Variants in CDK18 observed in about 807,000 individuals in gnomAD.
The protein encoded by CDK18 is cyclin dependent kinase 18.
Under a neutral mutation model 62.0 loss-of-function variants are expected in CDK18, and 52 were observed. The ratio of observed to expected loss-of-function variants is 0.84; its 90% confidence interval spans 0.67 to 1.06. The LOEUF is 1.06. CDK18 is among the 50% of genes least tolerant of loss of function. The pLI is 0.00. For missense variants in CDK18, 604 were observed against 619.9 expected (o/e 0.97, Z 0.27); for synonymous variants, 237 against 247.0 (o/e 0.96, Z 0.38).
rs963624537 is a variant in CDK18, at chr1:205,527,871, G to A, written c.807G>A (p.Gln269=). Residue 269 remains glutamine (Q), a synonymous_variant, in exon 9 of 16, where the codon CAG becomes CAA. Coordinates refer to ENST00000429964, the MANE Select transcript of CDK18 (RefSeq NM_212502.3). This position sits in a 1 kb window ranked among gnomAD's most constrained non-coding sequence, Gnocchi z 4.1. ...TCCTGCACCGGGACCTGAAGCCCCA[G>A]AACCTGCTCATCAACGAGAGGGGGG... ...RKILHRDLKP[Q]NLLINERGEL... 16 of 1,614,164 alleles carry A rather than the reference G, an allele frequency of 9.9e-6. No individual in the cohort carries two copies. The highest frequency in any genetic ancestry group is 1.4e-5 in the Non-Finnish European group (16 of 1,180,030).
chr1:205,529,565 T>A lies in CDK18; in HGVS notation c.1221+2T>A. The A allele has an allele frequency of 2.5e-6, 4 of 1,613,662 alleles. No individual in the cohort carries two copies. Among genetic ancestry groups the A allele is most frequent in the Non-Finnish European group, 3.4e-6 (4 of 1,179,908 alleles). Reference sequence around the variant, plus strand: ...CACCTCCTGAGCAGCCTGCTCCTGGTGAGTGTCCTCCCGGCGGGGCCCAGG... The same window carrying A: ...CACCTCCTGAGCAGCCTGCTCCTGGAGAGTGTCCTCCCGGCGGGGCCCAGG... On this transcript the variant is annotated splice_donor_variant, in intron 13 of 15. Coordinates refer to ENST00000429964, the MANE Select transcript of CDK18 (RefSeq NM_212502.3). LOFTEE classifies it high-confidence loss of function.
chr1:205,525,003 G>T (rs1182082405), intron 4 of CDK18, 136 bp from the exon 5 acceptor site: 2 of 548,062 alleles, frequency 3.6e-6, no homozygotes. Flanking sequence ...TTATCACAGG[G>T]ATAAAGGGAA....
chr1:205,519,969 G>A (rs1284726583), intron 1 of CDK18, among the ~76,000 whole-genome samples: 2 of 152,256 alleles, frequency 1.3e-5, no homozygotes, highest in African/African-American at 2.4e-5. Flanking sequence ...TTTTAGAAAG[G>A]GGTGTGGCTG....
rs1292790990 is a variant in CDK18 at position 205,528,727 on chromosome 1, T to C, written c.975-272T>C. 1 of 421,154 alleles carries C rather than the reference T, an allele frequency of 2.4e-6. No homozygotes were observed. Among genetic ancestry groups the C allele is most frequent in the African/African-American group, 2.0e-5 (1 of 49,640 alleles). The allele number at this position is 421,154 out of a possible 1,614,324, so 26.1% of individuals were successfully genotyped here. On this transcript the variant is annotated intron_variant, in intron 10 of 15. Transcript: ENST00000429964. This position sits in a 1 kb window ranked among gnomAD's most constrained non-coding sequence, Gnocchi z 4.2. ...AGAGAATTGCCACATGGGCGCTGGCTGCACAGACCCAAACCTCACAGAGTG... is the reference window on the plus strand; with the variant it reads ...AGAGAATTGCCACATGGGCGCTGGCCGCACAGACCCAAACCTCACAGAGTG...
At chr1:205,524,202 G>C (rs903838535) in intron 3 of CDK18, 30 bp from the exon 4 acceptor site, 2 of 1,613,984 alleles carry the variant, frequency 1.2e-6, no homozygotes, top group Non-Finnish European at 8.5e-7. Flanking sequence ...AACCAACAGT[G>C]GTGTCCCCAT....
In CDK18 at chr1:205,527,755, G is replaced by T. The variant is rs1253131240; in HGVS notation, c.730-39G>T. 1.2e-6 allele frequency: 2 copies of T among 1,607,984 alleles called. No individual in the cohort carries two copies. Among genetic ancestry groups the T allele is most frequent in the Admixed American group, 1.7e-5 (1 of 59,814 alleles). Reference sequence around the variant, plus strand: ...CCCAGCCTTGGAGCAGAGGCTCAGGGCCACCTTCCACCCCACATTTCTCTT... The same window carrying T: ...CCCAGCCTTGGAGCAGAGGCTCAGGTCCACCTTCCACCCCACATTTCTCTT... On this transcript the variant is annotated intron_variant, in intron 8 of 15. Transcript: ENST00000429964. This position sits in a 1 kb window ranked among gnomAD's most constrained non-coding sequence, Gnocchi z 4.1.
chr1:205,530,573 T>C (rs12748821), intron 14 of CDK18, 55 bp from the exon 15 acceptor site: 253,090 of 1,519,734 alleles, frequency 0.17, 26,615 homozygotes, highest in South Asian at 0.38. Context: ...GGCCAGTCCT[T>C]ACTGGAGGCC....
rs752337313 is a variant in CDK18, at chr1:205,526,174, G to T, written c.566G>T (p.Arg189Leu). Residue 189 changes from arginine to leucine, a missense_variant, in exon 6 of 16, where the codon CGA becomes CTA. Transcript: ENST00000429964. ...GAGGGAGCGCCCTGCACTGCCATCC[G>T]AGAGGGTACAGCATCCTAGGCTCCC... ...HEEGAPCTAI[R>L]EVSLLKNLKH... is the part of the protein sequence containing the mutation. 3.7e-6 allele frequency: 6 copies of T among 1,613,072 alleles called. No homozygotes were observed. Among genetic ancestry groups the T allele is most frequent in the Non-Finnish European group, 5.1e-6 (6 of 1,179,204 alleles).
rs1224033880 is a variant in CDK18 at position 205,532,090 on chromosome 1, C to G, written c.*712C>G. ...ATGCCCAGCTGTGTCCAGAGGTGGC[C>G]TGGGACCGCCAGTTGCACGCCTGCC... On this transcript the variant is annotated 3_prime_UTR_variant, in exon 16 of 16. Coordinates refer to ENST00000429964, the MANE Select transcript of CDK18 (RefSeq NM_212502.3). 6.5e-6 allele frequency: 1 copy of G among 153,076 alleles called. No homozygotes were observed. The highest frequency in any genetic ancestry group is 1.5e-5 in the Non-Finnish European group (1 of 68,432). The allele number at this position is 153,076 out of a possible 1,614,324, so 9.5% of individuals were successfully genotyped here.
At chr1:205,518,968 G>T (rs1184132183) in intron 1 of CDK18, among the ~76,000 whole-genome samples, 1 of 152,184 alleles carries the variant, frequency 6.6e-6, no homozygotes, top group Non-Finnish European at 1.5e-5. Flanking sequence ...TCCTCAGTGG[G>T]ACTCTGCTCC....
At position 205,524,299 on chromosome 1, in the gene CDK18, A is replaced by G. The variant is rs1339605560; in HGVS notation, c.341A>G (p.Gln114Arg). ...RLPQEFLQKLQMESPDLPKPL... is the reference protein window; with the variant it reads ...RLPQEFLQKLRMESPDLPKPL... ...CCCCAGGAATTCCTACAGAAGCTAC[A>G]GATGGAGAGCCCAGATCTGCCCAAG... The change falls in exon 4 of 16, where the codon CAG (glutamine) becomes CGG (arginine). Residue 114 changes from glutamine to arginine, a missense_variant. Transcript: ENST00000429964. The G allele has an allele frequency of 6.2e-7, 1 of 1,614,186 alleles. No individual in the cohort carries two copies. The highest frequency in any genetic ancestry group is 1.7e-5 in the Admixed American group (1 of 60,026).
At chr1:205,506,536 G>T (rs561760316) in intron 1 of CDK18, among the ~76,000 whole-genome samples, 1 of 152,184 alleles carries the variant, frequency 6.6e-6, no homozygotes, top group Non-Finnish European at 1.5e-5. Context: ...TCTACTGTGC[G>T]CCAAGCAGTG....
rs1339922606 is a variant in CDK18 at position 205,526,668 on chromosome 1, G to A, written c.667-107G>A. The A allele has an allele frequency of 1.6e-5, 18 of 1,135,516 alleles. No homozygotes were observed. The East Asian group carries it at 3.1e-4, about 19-fold the overall frequency. 70.3% of individuals were successfully genotyped at this position (1,135,516 alleles called of 1,614,324 possible). On this transcript the variant is annotated intron_variant, in intron 7 of 15. Coordinates refer to ENST00000429964, the MANE Select transcript of CDK18 (RefSeq NM_212502.3). The stretch of plus-strand genomic sequence containing the variant: ...CTCGAGCCAGGGACCTGTCCCACTA[G>A]TGGGCGTGGGCCCTTCCCAGGGAGG...
intron 1 of CDK18, among the ~76,000 whole-genome samples, chr1:205,515,946 G>A: frequency 6.6e-6 from 1 of 152,196 alleles, no homozygotes; most frequent in South Asian, 2.1e-4. Context: ...CTGCAGGCCT[G>A]GCTATCCTCA....
At chr1:205,531,237 C>G in intron 15 of CDK18, 107 bp from the exon 16 acceptor site, 1 of 1,000,308 alleles carries the variant, frequency 1.0e-6, no homozygotes, top group Non-Finnish European at 1.6e-6. Context: ...CATGCCCTTG[C>G]TTGCTCTGTC....
intron 1 of CDK18, chr1:205,522,548 A>G (rs994927103): frequency 2.0e-5 from 3 of 152,242 alleles, no homozygotes; most frequent in Non-Finnish European, 2.9e-5. Context: ...ATGCCAGAGC[A>G]GAGACCTTCA....
chr1:205,528,895 C>T lies in CDK18; in HGVS notation c.975-104C>T. On this transcript the variant is annotated intron_variant, in intron 10 of 15. Transcript: ENST00000429964. This position sits in a 1 kb window ranked among gnomAD's most constrained non-coding sequence, Gnocchi z 4.2. ...CCCCTCCGCCGCCAGAGCCACGATC[C>T]CTGCAGCCGCCTGTGGCAGGTCGTC... 2.7e-6 allele frequency: 2 copies of T among 738,690 alleles called. No individual in the cohort carries two copies. Among genetic ancestry groups the T allele is most frequent in the South Asian group, 1.8e-5 (1 of 56,494 alleles). The allele number at this position is 738,690 out of a possible 1,614,324, so 45.8% of individuals were successfully genotyped here. A position where few individuals can be genotyped will look rare whatever the true frequency, so the allele number is the denominator to read the frequency against.
Position 205,531,590 on chromosome 1 carries a change from C to G in CDK18, c.*212C>G. 2 of 585,278 alleles carry G rather than the reference C, an allele frequency of 3.4e-6. No individual in the cohort carries two copies. Among genetic ancestry groups the G allele is most frequent in the Admixed American group, 5.9e-5 (2 of 33,768 alleles). The allele number at this position is 585,278 out of a possible 1,614,324, so 36.3% of individuals were successfully genotyped here. A position where few individuals can be genotyped will look rare whatever the true frequency, so the allele number is the denominator to read the frequency against. On this transcript the variant is annotated 3_prime_UTR_variant, in exon 16 of 16. Coordinates refer to ENST00000429964, the MANE Select transcript of CDK18 (RefSeq NM_212502.3). ...GCCCTCACCTGCATACCAACCCCTC[C>G]TTTACCCACGTTGGGGCTGGCATAA...
intron 3 of CDK18, 186 bp downstream of exon 3, chr1:205,523,811 G>A (rs1575068317): frequency 2.6e-6 from 2 of 759,492 alleles, no homozygotes; most frequent in East Asian, 2.8e-5. Flanking sequence ...CTTTAAAATG[G>A]TCATCATGGA....
Sources: gnomAD v4.1 joint callset for allele counts (sites outside exome capture counted in the v4.1 genomes callset) on GRCh38, gnomAD v4.1.1 for gene constraint, Gnocchi (gnomAD v3.1) non-coding constraint, MANE v1.5 for transcripts, NCBI Gene and HGNC (gene_info 2026-07-23, HGNC 2026-07-21) for gene names.